CCSAP: variants seen among roughly 807,000 people sequenced by gnomAD.
The protein encoded by CCSAP is centriole, cilia and spindle associated protein, also known as centriole, cilia and spindle-associated protein.
A neutral mutation model predicts 25.9 loss-of-function variants in CCSAP; 17 were observed. The observed-to-expected ratio is 0.66, with a 90% CI of 0.45 to 0.99. The LOEUF is 0.99. Ranked by LOEUF, CCSAP falls within the 50% of genes least tolerant of loss-of-function variation. The pLI, the probability that CCSAP is intolerant of heterozygous loss-of-function variation, is 0.00. For missense variants in CCSAP, 339 were observed against 367.8 expected (o/e 0.92, Z 0.64); for synonymous variants, 169 against 157.1 (o/e 1.08, Z -0.57).
chr1:229,336,167 G>A (rs891568668), intron 2 of CCSAP, among the ~76,000 whole-genome samples: 1 of 147,852 alleles, frequency 6.8e-6, no homozygotes, highest in African/African-American at 2.5e-5. Context: ...GATACCAAGG[G>A]ACAACTGTTT....
chr1:229,336,632 G>T (rs1658202976), intron 2 of CCSAP, among the ~76,000 whole-genome samples: 1 of 152,092 alleles, frequency 6.6e-6, no homozygotes, highest in South Asian at 2.1e-4. Flanking sequence ...CTCCTAAAAA[G>T]CTCTTCCAGG....
At chr1:229,334,501 G>A (rs1231235970) in intron 2 of CCSAP, among the ~76,000 whole-genome samples, 1 of 151,858 alleles carries the variant, frequency 6.6e-6, no homozygotes, top group Non-Finnish European at 1.5e-5. Context: ...AAAAAAGAAA[G>A]GCAGGGGGCA....
intron 2 of CCSAP, among the ~76,000 whole-genome samples, chr1:229,328,588 T>C (rs900675455): frequency 6.6e-5 from 10 of 152,218 alleles, no homozygotes; most frequent in African/African-American, 2.4e-4. Context: ...ATTACAGGCC[T>C]GAGCCACTGC....
rs566799652 is a variant in CCSAP, at chr1:229,327,086, A to G, written c.368-80T>C. On this transcript the variant is annotated intron_variant, in intron 2 of 3. Transcript: ENST00000284617. ...ATTAAAATATTTATGTTGAAAAATCATAATGCTTAAGACAGTAACATTTTC... is the reference window on the plus strand; with the variant it reads ...ATTAAAATATTTATGTTGAAAAATCGTAATGCTTAAGACAGTAACATTTTC... 9.9e-6 allele frequency: 12 copies of G among 1,211,554 alleles called. No homozygotes were observed. The South Asian group carries it at 1.6e-4, about 16-fold the overall frequency. 75.1% of individuals were successfully genotyped at this position (1,211,554 alleles called of 1,614,324 possible).
rs147011758 is a variant in CCSAP at position 229,335,052 on chromosome 1, G to A, written c.367+7047C>T. Among the ~76,000 whole-genome samples the A allele has an allele frequency of 6.9e-4, 105 of 152,268 alleles. 3 individuals carry two copies. In the East Asian group the frequency reaches 0.016, roughly 23 times the overall value. On this transcript the variant is annotated intron_variant, in intron 2 of 3. Transcript: ENST00000284617. ...ACATGAGCCAGATGTGGTGGCTCAC[G>A]TCTATCATCCCAGCACTTTGGGAGG...
intron 2 of CCSAP, among the ~76,000 whole-genome samples, chr1:229,341,565 C>T (rs1257302784): frequency 1.3e-5 from 2 of 152,200 alleles, no homozygotes; most frequent in African/African-American, 4.8e-5. Flanking sequence ...CTCTCACAGC[C>T]AAGTTATTCA....
intron 2 of CCSAP, among the ~76,000 whole-genome samples, chr1:229,328,056 T>C (rs1657989606): frequency 6.6e-6 from 1 of 152,174 alleles, no homozygotes; most frequent in South Asian, 2.1e-4. Context: ...CCAAAAAATA[T>C]CTATTCCACT....
chr1:229,336,175 T>C (rs1658190691), intron 2 of CCSAP, among the ~76,000 whole-genome samples: 1 of 148,620 alleles, frequency 6.7e-6, no homozygotes, highest in East Asian at 2.0e-4. Flanking sequence ...GGGACAACTG[T>C]TTTTACTAGT....
intron 2 of CCSAP, 134 bp from the exon 3 acceptor site, chr1:229,327,140 T>TAA: frequency 2.8e-6 from 2 of 702,226 alleles, no homozygotes; most frequent in South Asian, 5.3e-5. Context: ...ACGATCCACT[T>TAA]AAAGTAGAAA....
chr1:229,331,608 C>T (rs1404460594), intron 2 of CCSAP, among the ~76,000 whole-genome samples: 1 of 151,782 alleles, frequency 6.6e-6, no homozygotes, highest in Non-Finnish European at 1.5e-5. Flanking sequence ...CCCCAGAAAC[C>T]GAATCTCTCC....
At position 229,342,440 on chromosome 1, in the gene CCSAP, C is replaced by G. The variant is rs762102520; in HGVS notation, c.26G>C (p.Ser9Thr). 1 of 1,392,370 alleles carries G rather than the reference C, an allele frequency of 7.2e-7. No homozygotes were observed. Among genetic ancestry groups the G allele is most frequent in the Non-Finnish European group, 9.4e-7 (1 of 1,066,702 alleles). 86.3% of individuals were successfully genotyped at this position (1,392,370 alleles called of 1,614,324 possible). MSPGSGVKSEYMKRYQEPR... is the reference protein window; with the variant it reads MSPGSGVKTEYMKRYQEPR... ...CTCCTGGTAGCGCTTCATGTACTCG[C>G]TCTTCACCCCGCTCCCCGGGGACAT... The change falls in exon 2 of 4, where the codon AGC becomes ACC. Residue 9 changes from serine to threonine, a missense_variant. Transcript: ENST00000284617. The surrounding 1 kb of genome is among the most constrained non-coding windows in gnomAD (Gnocchi z 7.5).
At chr1:229,337,173 T>C (rs1422934536) in intron 2 of CCSAP, among the ~76,000 whole-genome samples, 1 of 151,898 alleles carries the variant, frequency 6.6e-6, no homozygotes, top group Non-Finnish European at 1.5e-5. Context: ...GCCAGCCAAA[T>C]GAATGAAAAA....
In CCSAP at chr1:229,337,670, C is replaced by CAAA. The variant is rs539736168; in HGVS notation, c.367+4426_367+4428dup. The stretch of plus-strand genomic sequence containing the variant: ...CTAGACTGGAACAAGATCAAAGGCT[C>CAAA]AAAAAAAAATATATATATATATATA... On this transcript the variant is annotated intron_variant, in intron 2 of 3. Coordinates refer to ENST00000284617, the MANE Select transcript of CCSAP (RefSeq NM_145257.5). Among the ~76,000 whole-genome samples, 47 of 56,036 alleles carry CAAA rather than the reference C, an allele frequency of 8.4e-4. 4 individuals carry two copies. The highest frequency in any genetic ancestry group is 2.6e-3 in the East Asian group (7 of 2,690). The allele number at this position is 56,036 out of a possible 152,430, so 36.8% of individuals were successfully genotyped here. A position where few individuals can be genotyped will look rare whatever the true frequency, so the allele number is the denominator to read the frequency against.
intron 2 of CCSAP, among the ~76,000 whole-genome samples, chr1:229,328,666 G>A (rs1658001456): frequency 6.6e-6 from 1 of 152,144 alleles, no homozygotes; most frequent in South Asian, 2.1e-4. Flanking sequence ...CACCTCTGTA[G>A]GACAGAATTT....
intron 2 of CCSAP, chr1:229,327,286 T>C (rs1000769006): frequency 2.9e-6 from 1 of 343,190 alleles, no homozygotes; most frequent in African/African-American, 2.1e-5. Context: ...TCTGGAATGT[T>C]AAAAGATAGA....
chr1:229,333,215 G>A lies in CCSAP; in HGVS notation c.368-6209C>T, dbSNP rs372366324. 2.2e-4 allele frequency among the ~76,000 whole-genome samples: 33 copies of A among 151,596 alleles called. No homozygotes were observed. In the Middle Eastern group the frequency reaches 0.029, roughly 131 times the overall value. Reference sequence around the variant, plus strand: ...TGGGAGGCCAAGGCGGGCAGATCACGAGGTCAGGAGATAGAGACCATCCTG... The same window carrying A: ...TGGGAGGCCAAGGCGGGCAGATCACAAGGTCAGGAGATAGAGACCATCCTG... On this transcript the variant is annotated intron_variant, in intron 2 of 3. Coordinates refer to ENST00000284617, the MANE Select transcript of CCSAP (RefSeq NM_145257.5).
chr1:229,339,385 T>C lies in CCSAP; in HGVS notation c.367+2714A>G, dbSNP rs544504352. On this transcript the variant is annotated intron_variant, in intron 2 of 3. Coordinates refer to ENST00000284617, the MANE Select transcript of CCSAP (RefSeq NM_145257.5). Reference sequence around the variant, plus strand: ...CCCCCAGAGTTTCTACGGACAACTGTTCCAACCTAGAATTCCATGCCCAGC... The same window carrying C: ...CCCCCAGAGTTTCTACGGACAACTGCTCCAACCTAGAATTCCATGCCCAGC... 3.3e-5 allele frequency among the ~76,000 whole-genome samples: 5 copies of C among 152,158 alleles called. No homozygotes were observed. In the East Asian group the frequency reaches 7.7e-4, roughly 24 times the overall value.
At chr1:229,325,888 G>A (rs763635229) in intron 3 of CCSAP, among the ~76,000 whole-genome samples, 18 of 152,234 alleles carry the variant, frequency 1.2e-4, no homozygotes, top group African/African-American at 2.4e-4. Context: ...TTAATCCCAC[G>A]GACTTCTTAG....
In CCSAP at chr1:229,342,461, G is replaced by A. The variant is rs1203769867; in HGVS notation, c.5C>T (p.Ser2Phe). 3.0e-6 allele frequency: 4 copies of A among 1,353,918 alleles called. No homozygotes were observed. The highest frequency in any genetic ancestry group is 2.9e-5 in the Admixed American group (1 of 34,080). The allele number at this position is 1,353,918 out of a possible 1,614,324, so 83.9% of individuals were successfully genotyped here. Residue 2 changes from serine to phenylalanine, a missense_variant, in exon 2 of 4, where the codon TCC becomes TTC. By Grantham distance (155) the Ser-to-Phe change is radical (BLOSUM62 -2). Coordinates refer to ENST00000284617, the MANE Select transcript of CCSAP (RefSeq NM_145257.5). The surrounding 1 kb of genome is among the most constrained non-coding windows in gnomAD (Gnocchi z 7.5). Reference sequence around the variant, plus strand: ...CTCGCTCTTCACCCCGCTCCCCGGGGACATGGTGCCGTCCGCCGCCTCGAG... The same window carrying A: ...CTCGCTCTTCACCCCGCTCCCCGGGAACATGGTGCCGTCCGCCGCCTCGAG... The part of the protein sequence containing the change: M[S>F]PGSGVKSEYM...
Sources: gnomAD v4.1 joint callset for allele counts (sites outside exome capture counted in the v4.1 genomes callset) on GRCh38, gnomAD v4.1.1 for gene constraint, Gnocchi (gnomAD v3.1) non-coding constraint, MANE v1.5 for transcripts, NCBI Gene and HGNC (gene_info 2026-07-23, HGNC 2026-07-21) for gene names.